MAGI2: variants seen among roughly 807,000 people sequenced by gnomAD.
MAGI2 encodes the protein membrane-associated guanylate kinase, WW and PDZ domain-containing protein 2.
A neutral mutation model predicts 133.3 loss-of-function variants in MAGI2; 35 were observed. The ratio of observed to expected loss-of-function variants is 0.26; its 90% CI spans 0.20 to 0.35. The LOEUF is 0.35. Among genes scored for constraint, MAGI2 ranks in the 10% least tolerant of loss-of-function variants. The pLI is 1.00. For missense variants in MAGI2, 1,636 were observed against 1,863.4 expected (o/e 0.88, Z 2.25); for synonymous variants, 729 against 710.6 (o/e 1.03, Z -0.41).
chr7:78,469,380 G>A (rs1469134109), intron 6 of MAGI2, among the ~76,000 whole-genome samples: 3 of 152,102 alleles, frequency 2.0e-5, no homozygotes, highest in African/African-American at 7.2e-5. Flanking sequence ...GATGAGACAA[G>A]GTCCTTGATG....
At chr7:78,768,089 T>C (rs1207862) in intron 2 of MAGI2, among the ~76,000 whole-genome samples, 49,181 of 152,094 alleles carry the variant, frequency 0.32, 8,135 homozygotes, top group South Asian at 0.47. Flanking sequence ...CTTTTATATG[T>C]ACACATTATC....
At position 79,078,253 on chromosome 7, in the gene MAGI2, A is replaced by G. The variant is rs151184323; in HGVS notation, c.302-71047T>C. Among the ~76,000 whole-genome samples, 86 of 152,112 alleles carry G rather than the reference A, an allele frequency of 5.7e-4. 1 individual carries two copies. The highest frequency in any genetic ancestry group is 2.0e-3 in the African/African-American group (83 of 41,528). On this transcript the variant is annotated intron_variant, in intron 1 of 21. Transcript: ENST00000354212. ...GTCTCAGGCTATTTAAGTGTTCTCC[A>G]CAGAGTTCTTAGTACAACTGAATAC...
intron 3 of MAGI2, among the ~76,000 whole-genome samples, chr7:78,531,476 T>G (rs1354144500): frequency 1.3e-5 from 2 of 152,178 alleles, no homozygotes; most frequent in Non-Finnish European, 2.9e-5. Context: ...ACTCCCAAAG[T>G]ACTGGGATTA....
intron 2 of MAGI2, among the ~76,000 whole-genome samples, chr7:78,854,668 CA>C: frequency 6.7e-6 from 1 of 148,938 alleles, no homozygotes; most frequent in East Asian, 2.0e-4. Flanking sequence ...TTTTTTATTA[CA>C]AGATATTTTA....
intron 1 of MAGI2, among the ~76,000 whole-genome samples, chr7:79,426,492 A>C (rs923067324): frequency 2.6e-5 from 4 of 152,150 alleles, no homozygotes; most frequent in African/African-American, 9.7e-5. Context: ...GAAATTAAGA[A>C]ATTTCTCATT....
intron 1 of MAGI2, among the ~76,000 whole-genome samples, chr7:79,116,057 A>G (rs1819388663): frequency 6.6e-6 from 1 of 152,080 alleles, no homozygotes. Flanking sequence ...GGTTGAGGCT[A>G]AAAGAATCCA....
At chr7:78,439,814 C>T (rs1438466324) in intron 6 of MAGI2, among the ~76,000 whole-genome samples, 1 of 152,070 alleles carries the variant, frequency 6.6e-6, no homozygotes, top group Non-Finnish European at 1.5e-5. Context: ...TAAGCACCTT[C>T]TTGAGGTTTT....
chr7:78,780,818 C>T (rs1011058510), intron 2 of MAGI2, among the ~76,000 whole-genome samples: 1 of 152,146 alleles, frequency 6.6e-6, no homozygotes, highest in Non-Finnish European at 1.5e-5. Context: ...TTCCTATGGC[C>T]CGGCCTTTCT....
chr7:78,079,899 C>G (rs945881449), intron 20 of MAGI2, among the ~76,000 whole-genome samples: 1 of 152,210 alleles, frequency 6.6e-6, no homozygotes, highest in Admixed American at 6.5e-5. Flanking sequence ...AGTACCATTA[C>G]TGTCAGGAAC....
chr7:79,256,572 C>T (rs1199518291), intron 1 of MAGI2, among the ~76,000 whole-genome samples: 3 of 144,754 alleles, frequency 2.1e-5, no homozygotes, highest in South Asian at 4.3e-4. Flanking sequence ...TCATGGCAAC[C>T]TGGACCTCCC....
rs1844917536 is a variant in MAGI2 at position 79,394,763 on chromosome 7, GTTTTAATGT to G, written c.301+58248_301+58256del. ...CTATTTGTTTTTAATGACATTATTT[GTTTTAATGT>G]TTTTAATGTTTCACTATATAATTTC... is the stretch of plus-strand genomic sequence containing the variant. On this transcript the variant is annotated intron_variant, in intron 1 of 21. Coordinates refer to ENST00000354212, the MANE Select transcript of MAGI2 (RefSeq NM_012301.4). Among the ~76,000 whole-genome samples the G allele has an allele frequency of 3.9e-5, 6 of 152,080 alleles. No individual in the cohort carries two copies. The South Asian group carries it at 1.2e-3, about 31-fold the overall frequency.
intron 1 of MAGI2, among the ~76,000 whole-genome samples, chr7:79,135,977 A>G (rs1369007651): frequency 1.4e-4 from 5 of 35,778 alleles, no homozygotes; most frequent in Non-Finnish European, 3.6e-4. Flanking sequence ...GAAAGAAAGA[A>G]AGAAAGAAAG....
chr7:78,331,774 C>T (rs1789227561), intron 9 of MAGI2, among the ~76,000 whole-genome samples: 1 of 152,144 alleles, frequency 6.6e-6, no homozygotes, highest in African/African-American at 2.4e-5. Context: ...TGTCTAGCAC[C>T]ATTCTGAGCT....
intron 2 of MAGI2, among the ~76,000 whole-genome samples, chr7:78,831,292 G>T (rs1263730557): frequency 6.6e-6 from 1 of 152,088 alleles, no homozygotes; most frequent in African/African-American, 2.4e-5. Flanking sequence ...TGGTCCCTCT[G>T]AATATGAAAT....
chr7:78,258,005 A>G (rs958909885), intron 9 of MAGI2, among the ~76,000 whole-genome samples: 2 of 152,234 alleles, frequency 1.3e-5, no homozygotes, highest in African/African-American at 4.8e-5. Context: ...TAAAATGAAT[A>G]AAACAATTAA....
At chr7:78,304,204 T>G (rs1798073016) in intron 9 of MAGI2, among the ~76,000 whole-genome samples, 1 of 152,198 alleles carries the variant, frequency 6.6e-6, no homozygotes, top group Non-Finnish European at 1.5e-5. Context: ...TCTGTTCTCC[T>G]GCAGTGCATC....
chr7:78,303,348 C>G (rs1301755320), intron 9 of MAGI2, among the ~76,000 whole-genome samples: 1 of 133,392 alleles, frequency 7.5e-6, no homozygotes, highest in Non-Finnish European at 1.5e-5. Flanking sequence ...CATTGTATTC[C>G]AGCCTGGGCA....
At chr7:79,216,072 C>T (rs1830013870) in intron 1 of MAGI2, among the ~76,000 whole-genome samples, 2 of 151,834 alleles carry the variant, frequency 1.3e-5, no homozygotes, top group Admixed American at 1.3e-4. Context: ...CCCACCACAT[C>T]CCTCTATCCT....
At chr7:78,062,727 C>A (rs900305780) in intron 21 of MAGI2, among the ~76,000 whole-genome samples, 1 of 152,178 alleles carries the variant, frequency 6.6e-6, no homozygotes, top group Non-Finnish European at 1.5e-5. Context: ...CCAAATGCTC[C>A]GGCTCCAGCT....
Sources: gnomAD v4.1 joint callset for allele counts (sites outside exome capture counted in the v4.1 genomes callset) on GRCh38, gnomAD v4.1.1 for gene constraint, MANE v1.5 for transcripts, NCBI Gene and HGNC (gene_info 2026-07-23, HGNC 2026-07-21) for gene names.